FHIP1A: variants seen among roughly 807,000 people sequenced by gnomAD.
FHIP1A encodes FHF complex subunit HOOK interacting protein 1A, also known as FHF complex subunit HOOK-interacting protein 1A.
FHIP1A carries 61 observed loss-of-function variants against 88.6 expected under a neutral mutation model. The observed-to-expected ratio is 0.69, with a 90% CI of 0.56 to 0.85. The LOEUF is 0.85. Ranked by LOEUF, FHIP1A falls within the 40% of genes least tolerant of loss-of-function variation. The pLI is 0.00. For missense variants in FHIP1A, 1,154 were observed against 1,273.5 expected, an observed-to-expected ratio of 0.91 and a Z score of 1.43; for synonymous variants, 478 against 496.0, an observed-to-expected ratio of 0.96 and a Z score of 0.48.
chr4:151,582,433 A>T lies in FHIP1A; in HGVS notation c.733-4208A>T, dbSNP rs550066676. 4.6e-5 allele frequency among the ~76,000 whole-genome samples: 7 copies of T among 151,824 alleles called. No homozygotes were observed. In the South Asian group the frequency reaches 1.5e-3, roughly 32 times the overall value. ...TAAAACATTATGCTAATCTTGGTAG[A>T]TGCATTATTTTCTTTAATCCTGGCA... On this transcript the variant is annotated intron_variant, in intron 5 of 13. Transcript: ENST00000435205.
intron 7 of FHIP1A, among the ~76,000 whole-genome samples, chr4:151,624,654 A>G (rs1735883182): frequency 6.6e-6 from 1 of 152,158 alleles, no homozygotes; most frequent in Admixed American, 6.5e-5. Context: ...TGAAATCCTC[A>G]TTGTAGCCAG....
chr4:151,542,216 T>A (rs1475578942), intron 3 of FHIP1A, among the ~76,000 whole-genome samples: 2 of 152,198 alleles, frequency 1.3e-5, no homozygotes, highest in African/African-American at 4.8e-5. Context: ...TGTGTGGTGC[T>A]CTGTTTTGTG....
intron 7 of FHIP1A, among the ~76,000 whole-genome samples, chr4:151,604,435 G>T (rs548832590): frequency 1.3e-5 from 2 of 152,258 alleles, no homozygotes; most frequent in Admixed American, 6.5e-5. Flanking sequence ...GATATTTTCA[G>T]TTTGTGAGGG....
intron 3 of FHIP1A, 142 bp from the exon 4 acceptor site, chr4:151,565,996 G>C: frequency 4.0e-6 from 1 of 246,946 alleles, no homozygotes; most frequent in Non-Finnish European, 7.8e-6. Flanking sequence ...AGAGCCTTTA[G>C]ATTGAGTATA....
At chr4:151,582,015 T>G (rs1734043050) in intron 5 of FHIP1A, among the ~76,000 whole-genome samples, 1 of 152,186 alleles carries the variant, frequency 6.6e-6, no homozygotes, top group African/African-American at 2.4e-5. Context: ...CTGTCACTTT[T>G]TTTTTTAAAA....
chr4:151,498,618 A>T (rs1730544907), intron 3 of FHIP1A, among the ~76,000 whole-genome samples: 1 of 152,122 alleles, frequency 6.6e-6, no homozygotes, highest in Non-Finnish European at 1.5e-5. Context: ...GATCGAGACC[A>T]TCCTGGCTAA....
chr4:151,465,421 A>G (rs1270034192), intron 2 of FHIP1A, among the ~76,000 whole-genome samples: 1 of 152,226 alleles, frequency 6.6e-6, no homozygotes, highest in African/African-American at 2.4e-5. Context: ...AGACAGATTC[A>G]TAGCTGAATT....
chr4:151,440,965 C>A (rs1374889624), intron 1 of FHIP1A, among the ~76,000 whole-genome samples: 2 of 152,094 alleles, frequency 1.3e-5, no homozygotes, highest in African/African-American at 2.4e-5. Context: ...TGCTTTAAAT[C>A]CCCTCTGTTC....
chr4:151,442,654 T>A (rs1728454786), intron 1 of FHIP1A, among the ~76,000 whole-genome samples: 1 of 152,170 alleles, frequency 6.6e-6, no homozygotes, highest in South Asian at 2.1e-4. Context: ...GTGGAGTCAT[T>A]CCTGCTGGAT....
At chr4:151,526,118 A>G (rs1003425279) in intron 3 of FHIP1A, among the ~76,000 whole-genome samples, 1 of 152,232 alleles carries the variant, frequency 6.6e-6, no homozygotes, top group Non-Finnish European at 1.5e-5. Context: ...AGAATTTTTC[A>G]TAGTACAGAA....
chr4:151,524,838 G>A (rs552595915), intron 3 of FHIP1A, among the ~76,000 whole-genome samples: 1 of 152,300 alleles, frequency 6.6e-6, no homozygotes, highest in African/African-American at 2.4e-5. Flanking sequence ...AGCAGGAAAT[G>A]CCTTTGGAAA....
chr4:151,601,605 A>T (rs186739338), intron 7 of FHIP1A, among the ~76,000 whole-genome samples: 1 of 149,654 alleles, frequency 6.7e-6, no homozygotes, highest in African/African-American at 2.5e-5. Flanking sequence ...CATACTAGAT[A>T]TGAATAAATG....
intron 3 of FHIP1A, among the ~76,000 whole-genome samples, chr4:151,549,104 C>A (rs1443456429): frequency 6.6e-6 from 1 of 151,906 alleles, no homozygotes; most frequent in Non-Finnish European, 1.5e-5. Context: ...GCCAGAGTGG[C>A]GGGGTGAGTA....
At chr4:151,654,088 A>C (rs556571288) in intron 11 of FHIP1A, among the ~76,000 whole-genome samples, 1 of 136,512 alleles carries the variant, frequency 7.3e-6, no homozygotes, top group East Asian at 2.1e-4. Context: ...TTTTTTTTTT[A>C]GTGCTAGAAA....
chr4:151,654,652 C>T (rs971614643), intron 11 of FHIP1A, among the ~76,000 whole-genome samples: 4 of 152,154 alleles, frequency 2.6e-5, no homozygotes, highest in East Asian at 1.9e-4. Flanking sequence ...AATTGTGTTG[C>T]GATGCCTTAA....
intron 9 of FHIP1A, among the ~76,000 whole-genome samples, chr4:151,641,661 C>T (rs763150813): frequency 6.6e-6 from 1 of 152,106 alleles, no homozygotes; most frequent in Non-Finnish European, 1.5e-5. Context: ...TAAAGTATAA[C>T]ACACATTTTA....
At chr4:151,448,552 A>G (rs114236422) in intron 1 of FHIP1A, among the ~76,000 whole-genome samples, 155 of 152,304 alleles carry the variant, frequency 1.0e-3, no homozygotes, top group Middle Eastern at 3.4e-3. Context: ...GACTAGAATC[A>G]TACAGTATTT....
intron 7 of FHIP1A, among the ~76,000 whole-genome samples, chr4:151,618,579 ACTT>A (rs1735628934): frequency 6.6e-6 from 1 of 152,178 alleles, no homozygotes; most frequent in African/African-American, 2.4e-5. Context: ...GTAGATCCTC[ACTT>A]CTTTATGTGC....
chr4:151,475,002 C>G (rs936248304), intron 2 of FHIP1A, among the ~76,000 whole-genome samples: 1 of 152,114 alleles, frequency 6.6e-6, no homozygotes, highest in Non-Finnish European at 1.5e-5. Flanking sequence ...TTTCAGTGGC[C>G]TAAAGTCACC....
Sources: gnomAD v4.1 joint callset for allele counts (sites outside exome capture counted in the v4.1 genomes callset) on GRCh38, gnomAD v4.1.1 for gene constraint, MANE v1.5 for transcripts, NCBI Gene and HGNC (gene_info 2026-07-23, HGNC 2026-07-21) for gene names.